The following WNK1 variants were observed in gnomAD, a reference collection of about 807,000 sequenced individuals.
The protein encoded by WNK1 is serine/threonine-protein kinase WNK1.
WNK1 carries 38 observed loss-of-function variants against 222.8 expected under a neutral mutation model. The ratio of observed to expected loss-of-function variants is 0.17; its 90% confidence interval spans 0.13 to 0.22. The LOEUF is 0.22. WNK1 is among the 10% of genes least tolerant of loss of function. The pLI is 1.00. For missense variants in WNK1, 2,348 were observed against 2,918.4 expected, an observed-to-expected ratio of 0.80 and a Z score of 4.50; for synonymous variants, 1,090 against 1,092.9, an observed-to-expected ratio of 1.00 and a Z score of 0.05.
rs188583211 is a variant in WNK1 at position 891,575 on chromosome 12, A to G, written c.5509+1062A>G. 1.9e-3 allele frequency among the ~76,000 whole-genome samples: 282 copies of G among 150,276 alleles called. 1 individual carries two copies. Among genetic ancestry groups the G allele is most frequent in the African/African-American group, 6.5e-3 (264 of 40,916 alleles). ...AAATATTATATCATAAAATAGTACT[A>G]TATGAAATCATAAGGGGATTTTTTT... On this transcript the variant is annotated intron_variant, in intron 22 of 27. Transcript: ENST00000315939.
At chr12:894,328 C>G (rs748920528) in intron 22 of WNK1, among the ~76,000 whole-genome samples, 1 of 151,976 alleles carries the variant, frequency 6.6e-6, no homozygotes, top group South Asian at 2.1e-4. Flanking sequence ...AGCCTGTTAA[C>G]CTTTGTTTTT....
At chr12:768,447 GTTTC>G (rs917737769) in intron 1 of WNK1, among the ~76,000 whole-genome samples, 19 of 151,972 alleles carry the variant, frequency 1.3e-4, no homozygotes, top group Non-Finnish European at 1.8e-4. Flanking sequence ...GCTTGTATCG[GTTTC>G]TTTATGTCTC....
At chr12:866,314 C>A (rs1368644536) in intron 8 of WNK1, among the ~76,000 whole-genome samples, 2 of 152,160 alleles carry the variant, frequency 1.3e-5, no homozygotes, top group African/African-American at 4.8e-5. Flanking sequence ...AAACTGAATT[C>A]TTTTAAAAAG....
In WNK1 at chr12:757,444, GC is replaced by G. The variant is rs898614865; in HGVS notation, c.759+3122del. On this transcript the variant is annotated intron_variant, in intron 1 of 27. Coordinates refer to ENST00000315939, the MANE Select transcript of WNK1 (RefSeq NM_018979.4). ...GGGTTCAAGCGATTCTCCTGCCTCA[GC>G]CTCCCAAGTAGCTGGGAGTACAGGC... 2.0e-5 allele frequency among the ~76,000 whole-genome samples: 3 copies of G among 149,152 alleles called. No individual in the cohort carries two copies. In the Admixed American group the frequency reaches 2.1e-4, roughly 10 times the overall value.
chr12:797,633 A>G (rs1945439911), intron 1 of WNK1, among the ~76,000 whole-genome samples: 1 of 152,070 alleles, frequency 6.6e-6, no homozygotes, highest in Non-Finnish European at 1.5e-5. Context: ...AGATGACCAT[A>G]ATACTCTCAC....
chr12:854,353 A>ATTTTTT (rs1565523237), intron 4 of WNK1, among the ~76,000 whole-genome samples: 1 of 57,486 alleles, frequency 1.7e-5, no homozygotes, highest in Non-Finnish European at 3.6e-5. Flanking sequence ...ACTTATCATT[A>ATTTTTT]TCTTTTTTTT....
At chr12:905,661 C>A (rs1410285238) in intron 26 of WNK1, among the ~76,000 whole-genome samples, 1 of 152,224 alleles carries the variant, frequency 6.6e-6, no homozygotes, top group Non-Finnish European at 1.5e-5. Flanking sequence ...TGCTTGCTTT[C>A]TAGATTGAGT....
At chr12:788,870 G>A (rs1440461221) in intron 1 of WNK1, among the ~76,000 whole-genome samples, 2 of 151,020 alleles carry the variant, frequency 1.3e-5, no homozygotes, top group African/African-American at 4.9e-5. Flanking sequence ...CTGGGTGACA[G>A]AGCAAGACTC....
chr12:821,042 G>GTTTTTTTTTTTTT (rs60880879), intron 2 of WNK1, among the ~76,000 whole-genome samples: 2 of 79,118 alleles, frequency 2.5e-5, no homozygotes, highest in Admixed American at 1.6e-4. Context: ...AGTTTCTTGA[G>GTTTTTTTTTTTTT]TTTTTTTTTT....
Position 858,414 on chromosome 12 carries a change from T to C in WNK1, c.1401-831T>C, listed in dbSNP as rs529560554. Among the ~76,000 whole-genome samples the C allele has an allele frequency of 1.9e-3, 293 of 152,308 alleles. 3 individuals carry two copies. The highest frequency in any genetic ancestry group is 6.9e-3 in the African/African-American group (287 of 41,566). On this transcript the variant is annotated intron_variant, in intron 5 of 27. Coordinates refer to ENST00000315939, the MANE Select transcript of WNK1 (RefSeq NM_018979.4). ...CATATTGGTCAGGCGGGTTGCAGAC[T>C]CCTGACCTGAGGTGAACCACCCACC...
intron 1 of WNK1, among the ~76,000 whole-genome samples, chr12:757,070 A>G (rs566006564): frequency 5.5e-4 from 83 of 152,272 alleles, no homozygotes; most frequent in Non-Finnish European, 8.1e-4. Flanking sequence ...GTCATTTCAA[A>G]TGAAGCAATA....
At chr12:871,869 C>T (rs1467706872) in intron 9 of WNK1, among the ~76,000 whole-genome samples, 1 of 152,170 alleles carries the variant, frequency 6.6e-6, no homozygotes, top group African/African-American at 2.4e-5. Context: ...TCCCAAAGTG[C>T]TGGGATTACA....
rs754533334 is a variant in WNK1, at chr12:880,967, C to T, written c.3079C>T (p.Pro1027Ser). ...GCCAGGAGGGAGTTTAGCACAAGCCCCCACTACATCCTCCCAGCAAGCAGT... is the reference window on the plus strand; with the variant it reads ...GCCAGGAGGGAGTTTAGCACAAGCCTCCACTACATCCTCCCAGCAAGCAGT... ...SQPGGSLAQA[P>S]TTSSQQAVLE... The change falls in exon 12 of 28, where the codon CCC becomes TCC. Residue 1027 changes from proline (P) to serine (S), a missense_variant. Physicochemically the swap from Pro to Ser is moderately conservative, Grantham distance 74. Around this residue, in one of 13 missense-constraint regions of WNK1, gnomAD observed 547 missense variants for 558.3 expected, o/e 0.98. Transcript: ENST00000315939. The T allele has an allele frequency of 6.8e-6, 11 of 1,614,088 alleles. No homozygotes were observed. The highest frequency in any genetic ancestry group is 1.1e-5 in the South Asian group (1 of 91,072).
chr12:832,100 G>A (rs1948842534), intron 4 of WNK1, among the ~76,000 whole-genome samples: 1 of 151,908 alleles, frequency 6.6e-6, no homozygotes, highest in African/African-American at 2.4e-5. Context: ...TTTTGAGACG[G>A]CGTCTCGCTC....
intron 9 of WNK1, 50 bp downstream of exon 9, chr12:871,398 CTA>C: frequency 6.4e-7 from 1 of 1,573,308 alleles, no homozygotes; most frequent in Non-Finnish European, 8.7e-7. Context: ...GGCCAGAACA[CTA>C]TTTTAACTTT....
chr12:837,437 G>A (rs1163935006), intron 4 of WNK1, among the ~76,000 whole-genome samples: 2 of 151,902 alleles, frequency 1.3e-5, no homozygotes, highest in Non-Finnish European at 2.9e-5. Context: ...AGCCATGCGC[G>A]GTGGCGGGCG....
chr12:898,279 T>A (rs1356573621), intron 25 of WNK1, among the ~76,000 whole-genome samples: 1 of 151,916 alleles, frequency 6.6e-6, no homozygotes, highest in African/African-American at 2.4e-5. Context: ...GGTCAGGAGA[T>A]CAAGACCATC....
intron 1 of WNK1, among the ~76,000 whole-genome samples, chr12:790,843 A>G (rs1271704179): frequency 6.6e-6 from 1 of 151,906 alleles, no homozygotes; most frequent in Admixed American, 6.6e-5. Flanking sequence ...GAACTTAAGT[A>G]CATCTTCTGG....
intron 9 of WNK1, among the ~76,000 whole-genome samples, chr12:873,388 G>A (rs1022706275): frequency 6.6e-6 from 1 of 152,028 alleles, no homozygotes; most frequent in African/African-American, 2.4e-5. Flanking sequence ...AAAAAATATG[G>A]CTAAATGCTA....
Sources: gnomAD v4.1 joint callset for allele counts (sites outside exome capture counted in the v4.1 genomes callset) on GRCh38, gnomAD v4.1.1 for gene constraint, gnomAD v4.1.1 regional missense constraint, MANE v1.5 for transcripts, NCBI Gene and HGNC (gene_info 2026-07-23, HGNC 2026-07-21) for gene names.